The following FAT3 variants were observed in gnomAD, a reference collection of about 807,000 sequenced individuals.
FAT3 encodes the protein protocadherin Fat 3.
Under a neutral mutation model 310.2 loss-of-function variants are expected in FAT3, and 95 were observed. The observed-to-expected ratio is 0.31, with a 90% confidence interval of 0.26 to 0.36. FAT3 has a LOEUF of 0.36. FAT3 is among the 10% of genes least tolerant of loss of function. FAT3 has a pLI of 1.00. For synonymous variants in FAT3, 2,314 were observed against 2,192.9 expected (o/e 1.06, Z -1.54); for missense variants, 5,408 against 5,715.6 (o/e 0.95, Z 1.74).
At chr11:92,853,761 T>C (rs1331086038) in intron 19 of FAT3, among the ~76,000 whole-genome samples, 1 of 152,148 alleles carries the variant, frequency 6.6e-6, no homozygotes, top group Non-Finnish European at 1.5e-5. Context: ...GATATCTGTT[T>C]GAGTCTGGCA....
chr11:92,456,309 A>C (rs1383072234), intron 2 of FAT3, among the ~76,000 whole-genome samples: 1 of 152,166 alleles, frequency 6.6e-6, no homozygotes, highest in Non-Finnish European at 1.5e-5. Flanking sequence ...TTACTTATGG[A>C]GGTTATAGTT....
At chr11:92,738,947 A>G (rs968934342) in intron 4 of FAT3, among the ~76,000 whole-genome samples, 75 of 152,284 alleles carry the variant, frequency 4.9e-4, no homozygotes, top group African/African-American at 1.8e-3. Flanking sequence ...AGGGGCCTCA[A>G]TATTATTGTT....
chr11:92,764,808 G>A, intron 5 of FAT3, 71 bp from the exon 6 acceptor site: 1 of 1,422,656 alleles, frequency 7.0e-7, no homozygotes, highest in Non-Finnish European at 9.6e-7. Context: ...CCAGCAACAT[G>A]AGTGACAGAT....
intron 2 of FAT3, among the ~76,000 whole-genome samples, chr11:92,478,963 T>TTTCTTTCTTTCTTTCTTTCTTTCTTTC (rs761360516): frequency 1.5e-5 from 2 of 132,240 alleles, no homozygotes; most frequent in Non-Finnish European, 3.3e-5. Flanking sequence ...TTTTCTTTTC[T>TTTCTTTCTTTCTTTCTTTCTTTCTTTC]TTTCTTTTCT....
At chr11:92,613,240 G>T (rs554433425) in intron 3 of FAT3, among the ~76,000 whole-genome samples, 76 of 152,144 alleles carry the variant, frequency 5.0e-4, no homozygotes, top group African/African-American at 1.7e-3. Flanking sequence ...CACCAGATGA[G>T]GCCATTCACA....
At chr11:92,594,445 A>T (rs568760526) in intron 3 of FAT3, among the ~76,000 whole-genome samples, 1 of 152,324 alleles carries the variant, frequency 6.6e-6, no homozygotes. Flanking sequence ...GCATCTCAAA[A>T]CAAAAACAAA....
chr11:92,816,141 A>G (rs921123287), intron 13 of FAT3, among the ~76,000 whole-genome samples: 3 of 152,210 alleles, frequency 2.0e-5, no homozygotes, highest in African/African-American at 7.2e-5. Flanking sequence ...ACTTGGATGG[A>G]GATAGACAGA....
At chr11:92,743,012 C>T (rs3019466) in intron 4 of FAT3, among the ~76,000 whole-genome samples, 23,141 of 152,158 alleles carry the variant, frequency 0.15, 1,862 homozygotes, top group African/African-American at 0.18. Context: ...GAAGAGTATG[C>T]ACTTAATCCA....
At chr11:92,620,782 G>T (rs1941051001) in intron 3 of FAT3, among the ~76,000 whole-genome samples, 1 of 152,096 alleles carries the variant, frequency 6.6e-6, no homozygotes, top group Admixed American at 6.5e-5. Context: ...GGAATACTCT[G>T]ATGTGGGTGA....
chr11:92,428,325 A>C (rs1345725387), intron 2 of FAT3, among the ~76,000 whole-genome samples: 1 of 151,170 alleles, frequency 6.6e-6, no homozygotes, highest in Non-Finnish European at 1.5e-5. Flanking sequence ...AAAAAAAAAA[A>C]AACAGCCCTT....
chr11:92,481,386 A>T (rs2135194523), intron 2 of FAT3, among the ~76,000 whole-genome samples: 1 of 152,290 alleles, frequency 6.6e-6, no homozygotes, highest in South Asian at 2.1e-4. Context: ...TGGAAAAAAA[A>T]ACTATTCAGG....
intron 4 of FAT3, among the ~76,000 whole-genome samples, chr11:92,739,833 A>G (rs1945453792): frequency 6.6e-6 from 1 of 152,204 alleles, no homozygotes; most frequent in African/African-American, 2.4e-5. Flanking sequence ...CATAAAATAG[A>G]AACAGCTTTG....
At chr11:92,261,438 T>G (rs1169597903) in intron 1 of FAT3, among the ~76,000 whole-genome samples, 1 of 152,126 alleles carries the variant, frequency 6.6e-6, no homozygotes, top group Non-Finnish European at 1.5e-5. Context: ...AGGGGCCTCT[T>G]ATGCAGAAGG....
chr11:92,638,993 A>AT (rs927861179), intron 3 of FAT3, among the ~76,000 whole-genome samples: 1 of 152,152 alleles, frequency 6.6e-6, no homozygotes, highest in Non-Finnish European at 1.5e-5. Context: ...TAATCAGCCC[A>AT]TTTTATTCTC....
chr11:92,770,406 T>C (rs1404919209), intron 6 of FAT3, among the ~76,000 whole-genome samples: 1 of 152,234 alleles, frequency 6.6e-6, no homozygotes, highest in African/African-American at 2.4e-5. Flanking sequence ...AGCCAGGTAC[T>C]GTGCTTGCTT....
At position 92,800,086 on chromosome 11, in the gene FAT3, A is replaced by C. The variant is rs1947292432; in HGVS notation, c.7073A>C (p.Gln2358Pro). 6.2e-7 allele frequency: 1 copy of C among 1,613,974 alleles called. No homozygotes were observed. The highest frequency in any genetic ancestry group is 8.5e-7 in the Non-Finnish European group (1 of 1,179,874). The change falls in exon 10 of 28, where the codon CAA becomes CCA. Residue 2358 changes from glutamine to proline, a missense_variant. Coordinates refer to ENST00000525166, the MANE Select transcript of FAT3 (RefSeq NM_001367949.2). Reference sequence around the variant, plus strand: ...CGAATGCTGGACCATGAGTTAGTACAACACTGCACTTTGAAAGTCAGATCA... The same window carrying C: ...CGAATGCTGGACCATGAGTTAGTACCACACTGCACTTTGAAAGTCAGATCA... ...TARMLDHELV[Q>P]HCTLKVRSID...
At chr11:92,588,507 G>A (rs961158978) in intron 3 of FAT3, among the ~76,000 whole-genome samples, 2 of 152,042 alleles carry the variant, frequency 1.3e-5, no homozygotes, top group Non-Finnish European at 2.9e-5. Flanking sequence ...TGCTTATGCA[G>A]TTGAAGTAAA....
intron 1 of FAT3, among the ~76,000 whole-genome samples, chr11:92,339,939 C>T (rs1239738244): frequency 4.0e-5 from 6 of 151,822 alleles, no homozygotes; most frequent in East Asian, 3.9e-4. Flanking sequence ...AGTGAAACCC[C>T]GTCTCTACTA....
chr11:92,263,325 T>TAC (rs561169646), intron 1 of FAT3, among the ~76,000 whole-genome samples: 7 of 151,376 alleles, frequency 4.6e-5, no homozygotes, highest in East Asian at 1.9e-4. Flanking sequence ...CACACACATA[T>TAC]ACACACACAC....
Sources: allele counts gnomAD v4.1 joint callset (sites outside exome capture counted in the v4.1 genomes callset), GRCh38; gene constraint gnomAD v4.1.1; transcripts MANE v1.5; gene names NCBI Gene and HGNC (gene_info 2026-07-23, HGNC 2026-07-21).